Variants in DSE observed in about 807,000 individuals in gnomAD.
The protein encoded by DSE is dermatan sulfate epimerase, also known as dermatan-sulfate epimerase.
DSE carries 36 observed loss-of-function variants against 84.4 expected under a neutral mutation model. The ratio of observed to expected loss-of-function variants is 0.43; its 90% CI spans 0.33 to 0.56. The LOEUF (loss-of-function observed/expected upper bound fraction) is 0.56, where lower values mean the gene tolerates loss of function less well. Among genes scored for constraint, DSE ranks in the 20% least tolerant of loss-of-function variants. The pLI is 0.06. For synonymous variants in DSE, 410 were observed against 430.1 expected (o/e 0.95, Z 0.58); for missense variants, 862 against 1,169.6 (o/e 0.74, Z 3.84).
At chr6:116,400,263 C>T (rs368146883) in intron 2 of DSE, 7 of 152,142 alleles carry the variant, frequency 4.6e-5, no homozygotes, top group Admixed American at 1.3e-4. Context: ...CCTGTCTTTT[C>T]GATTAGCTTA....
intron 2 of DSE, among the ~76,000 whole-genome samples, chr6:116,336,755 CAAA>C (rs55859612): frequency 1.9e-4 from 25 of 130,100 alleles, no homozygotes; most frequent in Admixed American, 3.0e-4. Flanking sequence ...AACTCCATCT[CAAA>C]AAAAAAAAAA....
chr6:116,299,547 T>TACACACAC (rs1562213572), intron 2 of DSE, among the ~76,000 whole-genome samples: 1 of 50,054 alleles, frequency 2.0e-5, no homozygotes. Context: ...TATATATATA[T>TACACACAC]ATATACACAT....
In DSE at chr6:116,399,651, C is replaced by T; in HGVS notation, c.401C>T (p.Ala134Val). ...GCCAAAGACTACATGGAGAGGATGG[C>T]AGCGCAGCCTAGTTGGTAGATTTTT... is the stretch of plus-strand genomic sequence containing the variant. ...DMAKDYMERM[A>V]AQPSWLVKDA... The change falls in exon 2 of 6, where the codon GCA becomes GTA. Residue 134 changes from alanine (A) to valine (V), a missense_variant. Coordinates refer to ENST00000644252, the MANE Select transcript of DSE (RefSeq NM_013352.4). 9 of 1,613,232 alleles carry T rather than the reference C, an allele frequency of 5.6e-6. No individual in the cohort carries two copies. The highest frequency in any genetic ancestry group is 7.6e-6 in the Non-Finnish European group (9 of 1,179,344).
intron 2 of DSE, among the ~76,000 whole-genome samples, chr6:116,314,579 T>G (rs1256705428): frequency 6.6e-6 from 1 of 152,246 alleles, no homozygotes; most frequent in Non-Finnish European, 1.5e-5. Context: ...CTAAGTTTCA[T>G]CTGGCTCTAA....
rs1437205145 is a variant in DSE, at chr6:116,425,623, TATTTTA to T, written c.417-950_417-945del. ...TATTTTATTTTATTTATTTTTATTT[TATTTTA>T]TTTTTTTTTTTGAGACGGAGTCTCG... On this transcript the variant is annotated intron_variant, in intron 2 of 5. Coordinates refer to ENST00000644252, the MANE Select transcript of DSE (RefSeq NM_013352.4). 4.2e-4 allele frequency among the ~76,000 whole-genome samples: 54 copies of T among 127,708 alleles called. 1 individual carries two copies. Among genetic ancestry groups the T allele is most frequent in the South Asian group, 1.4e-3 (6 of 4,252 alleles). The allele number at this position is 127,708 out of a possible 152,430, so 83.8% of individuals were successfully genotyped here.
intron 1 of DSE, among the ~76,000 whole-genome samples, chr6:116,377,723 T>C (rs1780007953): frequency 6.6e-6 from 1 of 152,176 alleles, no homozygotes; most frequent in South Asian, 2.1e-4. Flanking sequence ...TTAAAAATAC[T>C]TTACACCAAG....
chr6:116,376,686 A>G (rs545151347), intron 1 of DSE, among the ~76,000 whole-genome samples: 26 of 152,352 alleles, frequency 1.7e-4, no homozygotes, highest in Admixed American at 1.4e-3. Context: ...AAGTCCTGAA[A>G]GAACAGAATT....
chr6:116,355,844 T>G (rs1778538329), intron 2 of DSE: 1 of 152,238 alleles, frequency 6.6e-6, no homozygotes, highest in Non-Finnish European at 1.5e-5. Context: ...TTGTTTTACA[T>G]TTGCTCATTG....
chr6:116,263,402 T>G (rs1772494549), intron 2 of DSE, among the ~76,000 whole-genome samples: 1 of 152,158 alleles, frequency 6.6e-6, no homozygotes, highest in African/African-American at 2.4e-5. Context: ...TAAAGCCTAT[T>G]TTGTCAGAAG....
chr6:116,333,159 C>G (rs1277633351), intron 2 of DSE, among the ~76,000 whole-genome samples: 1 of 152,198 alleles, frequency 6.6e-6, no homozygotes, highest in Non-Finnish European at 1.5e-5. Context: ...TAAATTCATG[C>G]ATCCCAGTGG....
rs760122669 is a variant in DSE, at chr6:116,352,594, A to G, written c.-53-46604A>G. On this transcript the variant is annotated intron_variant, in intron 2 of 3. Coordinates refer to the DSE transcript ENST00000430252. ...GTCAGTAGCTCTTGAACTGGATAGT[A>G]AACATCAAGAAATTGAGAAATAAAA... Among the ~76,000 whole-genome samples the G allele has an allele frequency of 5.9e-5, 9 of 152,298 alleles. No homozygotes were observed. The East Asian group carries it at 1.7e-3, about 29-fold the overall frequency.
intron 2 of DSE, among the ~76,000 whole-genome samples, chr6:116,421,442 C>CACATATATATAT (rs1431965487): frequency 1.8e-4 from 9 of 50,136 alleles, no homozygotes; most frequent in African/African-American, 7.4e-4. Context: ...ACTATATATA[C>CACATATATATAT]ATATATATAT....
intron 2 of DSE, among the ~76,000 whole-genome samples, chr6:116,407,515 T>C (rs1562289518): frequency 6.6e-6 from 1 of 152,240 alleles, no homozygotes; most frequent in Non-Finnish European, 1.5e-5. Flanking sequence ...TATCTTGGTG[T>C]ATAGTTATTA....
At chr6:116,329,848 G>A (rs1478605909) in intron 2 of DSE, among the ~76,000 whole-genome samples, 2 of 152,168 alleles carry the variant, frequency 1.3e-5, no homozygotes, top group African/African-American at 4.8e-5. Context: ...TCTTTGAGAT[G>A]GAGTCTTGCT....
upstream of DSE, chr6:116,370,171 T>C: frequency 1.5e-5 from 5 of 326,900 alleles, no homozygotes; most frequent in Non-Finnish European, 3.0e-5. Context: ...CCACCTGAAC[T>C]TGGGTGCATG....
intron 2 of DSE, among the ~76,000 whole-genome samples, chr6:116,337,544 A>C (rs899481836): frequency 6.6e-6 from 1 of 152,054 alleles, no homozygotes; most frequent in African/African-American, 2.4e-5. Context: ...TCCAGGAGGC[A>C]GAGTTTGCAG....
intron 2 of DSE, among the ~76,000 whole-genome samples, chr6:116,304,574 G>C (rs1260847195): frequency 6.6e-6 from 1 of 152,212 alleles, no homozygotes; most frequent in Non-Finnish European, 1.5e-5. Context: ...TGCCAAATGA[G>C]ATACCAAAAT....
At chr6:116,339,235 A>T (rs1242795192) in intron 2 of DSE, among the ~76,000 whole-genome samples, 1 of 152,156 alleles carries the variant, frequency 6.6e-6, no homozygotes, top group East Asian at 1.9e-4. Flanking sequence ...CATAATGTTA[A>T]ATCTTAGAAC....
At chr6:116,274,287 C>A (rs1462323818) in intron 2 of DSE, among the ~76,000 whole-genome samples, 1 of 152,050 alleles carries the variant, frequency 6.6e-6, no homozygotes, top group African/African-American at 2.4e-5. Flanking sequence ...TTTGGCCGGG[C>A]ACAGTGGCTC....
Sources: allele counts gnomAD v4.1 joint callset (sites outside exome capture counted in the v4.1 genomes callset), GRCh38; gene constraint gnomAD v4.1.1; transcripts MANE v1.5; gene names NCBI Gene and HGNC (gene_info 2026-07-23, HGNC 2026-07-21).